The following GRIK4 variants were observed in gnomAD, a reference collection of about 807,000 sequenced individuals.
GRIK4 encodes glutamate ionotropic receptor kainate type subunit 4.
GRIK4 carries 40 observed loss-of-function variants against 104.9 expected under a neutral mutation model. The ratio of observed to expected loss-of-function variants is 0.38; its 90% CI spans 0.30 to 0.50. The LOEUF (loss-of-function observed/expected upper bound fraction) is 0.50. Among genes scored for constraint, GRIK4 ranks in the 20% least tolerant of loss-of-function variants. GRIK4 has a pLI of 0.93. For synonymous variants in GRIK4, 485 were observed against 524.9 expected, an observed-to-expected ratio of 0.92 and a Z score of 1.04; for missense variants, 1,047 against 1,308.1, an observed-to-expected ratio of 0.80 and a Z score of 3.08.
At chr11:120,735,496 A>T (rs1179191423) in intron 3 of GRIK4, among the ~76,000 whole-genome samples, 2 of 152,154 alleles carry the variant, frequency 1.3e-5, no homozygotes, top group Non-Finnish European at 2.9e-5. Flanking sequence ...GCCTGAAGCC[A>T]ACACAGCACT....
chr11:120,659,982 T>C (rs1459218837), intron 2 of GRIK4, among the ~76,000 whole-genome samples: 3 of 152,214 alleles, frequency 2.0e-5, no homozygotes, highest in African/African-American at 7.2e-5. Flanking sequence ...TCCACCCACT[T>C]TGGCTTCCCA....
intron 6 of GRIK4, among the ~76,000 whole-genome samples, chr11:120,830,575 C>T (rs1318447566): frequency 6.6e-6 from 1 of 152,156 alleles, no homozygotes; most frequent in Non-Finnish European, 1.5e-5. Flanking sequence ...CAGCACGGGG[C>T]CTTGGACTGG....
intron 5 of GRIK4, among the ~76,000 whole-genome samples, chr11:120,818,821 A>G (rs927919933): frequency 4.6e-5 from 7 of 152,214 alleles, no homozygotes; most frequent in African/African-American, 1.2e-4. Context: ...GCTGTCTACT[A>G]TCGATCTTCC....
At chr11:120,631,085 G>A (rs949279102) in intron 1 of GRIK4, among the ~76,000 whole-genome samples, 4 of 152,208 alleles carry the variant, frequency 2.6e-5, no homozygotes, top group East Asian at 1.9e-4. Context: ...CCTGCCTTTC[G>A]GGGATATTGT....
intron 8 of GRIK4, among the ~76,000 whole-genome samples, chr11:120,849,079 C>T (rs955778998): frequency 1.8e-4 from 27 of 152,164 alleles, no homozygotes; most frequent in African/African-American, 6.0e-4. Context: ...TCCCACGGGG[C>T]TCCCAGAGCT....
At chr11:120,538,221 A>G (rs1443720541) in intron 1 of GRIK4, among the ~76,000 whole-genome samples, 1 of 152,234 alleles carries the variant, frequency 6.6e-6, no homozygotes, top group Non-Finnish European at 1.5e-5. Context: ...TTTCCAAGAC[A>G]GGGCCGCGCA....
At chr11:120,743,821 T>A (rs1283763798) in intron 3 of GRIK4, among the ~76,000 whole-genome samples, 1 of 152,242 alleles carries the variant, frequency 6.6e-6, no homozygotes, top group Non-Finnish European at 1.5e-5. Context: ...GGGCCTCAAT[T>A]GTCTTATTTA....
At chr11:120,560,939 C>G (rs543769623) in intron 1 of GRIK4, among the ~76,000 whole-genome samples, 2 of 152,348 alleles carry the variant, frequency 1.3e-5, no homozygotes, top group South Asian at 4.1e-4. Context: ...TCCTTCCCCC[C>G]TTCCACGCCT....
intron 1 of GRIK4, among the ~76,000 whole-genome samples, chr11:120,596,841 C>T (rs1948807968): frequency 6.6e-6 from 1 of 152,104 alleles, no homozygotes; most frequent in Admixed American, 6.5e-5. Context: ...TCTCCTGCCT[C>T]AGCCTGCCGA....
chr11:120,928,213 T>TG (rs1943396251), intron 13 of GRIK4, among the ~76,000 whole-genome samples: 1 of 126,352 alleles, frequency 7.9e-6, no homozygotes, highest in Admixed American at 8.3e-5. Context: ...GACTCCGTCT[T>TG]AAAAAAAAAA....
intron 3 of GRIK4, among the ~76,000 whole-genome samples, chr11:120,720,043 C>G (rs1020911181): frequency 2.6e-5 from 4 of 151,700 alleles, no homozygotes; most frequent in African/African-American, 9.7e-5. Flanking sequence ...AAAATTCAAG[C>G]TGTTTCAGGA....
intron 1 of GRIK4, among the ~76,000 whole-genome samples, chr11:120,588,913 T>C (rs1948702413): frequency 6.6e-6 from 1 of 152,002 alleles, no homozygotes; most frequent in Non-Finnish European, 1.5e-5. Context: ...GAGCTAAGAG[T>C]GCAAATGTTG....
At chr11:120,670,107 T>C (rs1369186288) in intron 3 of GRIK4, among the ~76,000 whole-genome samples, 2 of 152,186 alleles carry the variant, frequency 1.3e-5, no homozygotes, top group African/African-American at 4.8e-5. Context: ...ACCCACATCC[T>C]CTCTATCAAC....
At chr11:120,826,236 C>T (rs1953255612) in intron 6 of GRIK4, among the ~76,000 whole-genome samples, 1 of 152,174 alleles carries the variant, frequency 6.6e-6, no homozygotes, top group Non-Finnish European at 1.5e-5. Flanking sequence ...TTCCTGCTAC[C>T]TTCTCTCCCA....
intron 14 of GRIK4, among the ~76,000 whole-genome samples, chr11:120,950,909 T>C (rs1239611999): frequency 3.3e-5 from 5 of 152,360 alleles, no homozygotes; most frequent in South Asian, 2.1e-4. Context: ...CCTAAGTTAC[T>C]GGGTTTTGTC....
At chr11:120,626,944 T>G (rs1949267899) in intron 1 of GRIK4, among the ~76,000 whole-genome samples, 1 of 152,230 alleles carries the variant, frequency 6.6e-6, no homozygotes, top group Admixed American at 6.5e-5. Flanking sequence ...TAAACACTGA[T>G]GGTCAGCACA....
At chr11:120,796,325 G>A (rs114429821) in intron 3 of GRIK4, among the ~76,000 whole-genome samples, 1,624 of 152,274 alleles carry the variant, frequency 0.011, 38 homozygotes, top group African/African-American at 0.036. Context: ...GTGAGCCATC[G>A]TGCCTGGCCT....
chr11:120,532,993 A>T (rs1266886292), intron 1 of GRIK4, among the ~76,000 whole-genome samples: 1 of 152,150 alleles, frequency 6.6e-6, no homozygotes, highest in Non-Finnish European at 1.5e-5. Flanking sequence ...AGTGGTGGAG[A>T]CAGAGAAGTA....
chr11:120,817,770 G>T (rs544379051), intron 5 of GRIK4, among the ~76,000 whole-genome samples: 1 of 152,336 alleles, frequency 6.6e-6, no homozygotes, highest in East Asian at 1.9e-4. Context: ...TGGGCTTCAA[G>T]GAGACTGTGC....
Sources: allele counts gnomAD v4.1 joint callset (sites outside exome capture counted in the v4.1 genomes callset), GRCh38; gene constraint gnomAD v4.1.1; transcripts MANE v1.5; gene names NCBI Gene and HGNC (gene_info 2026-07-23, HGNC 2026-07-21).